Variants in FCHO1 observed in about 807,000 individuals in gnomAD.
The protein encoded by FCHO1 is FCH and mu domain containing endocytic adaptor 1.
FCHO1 carries 45 observed loss-of-function variants against 114.4 expected under a neutral mutation model. The observed-to-expected ratio is 0.39, with a 90% confidence interval of 0.31 to 0.50. The LOEUF (loss-of-function observed/expected upper bound fraction) is 0.50, where lower values mean the gene tolerates loss of function less well. Ranked by LOEUF, FCHO1 falls within the 20% of genes least tolerant of loss-of-function variation. The probability of loss-of-function intolerance (pLI) is 0.77; values close to 1 mark genes in which losing one functional copy is unlikely to be tolerated. For missense variants in FCHO1, 1,042 were observed against 1,209.6 expected (o/e 0.86, Z 2.06); for synonymous variants, 480 against 488.9 (o/e 0.98, Z 0.24).
In FCHO1 at chr19:17,781,472, C is replaced by A; in HGVS notation, c.1761C>A (p.Ser587=). The change falls in exon 22 of 29, where the codon TCC becomes TCA. Residue 587 remains serine, a synonymous_variant. Transcript: ENST00000596536. ...NGDLSRSLSP[S]PLGSSAASTA... Reference sequence around the variant, plus strand: ...TCCAGTCTCGTTCCCTGAGCCCCTCCCCACTGGGCTCTTCAGCCGCCAGCA... The same window carrying A: ...TCCAGTCTCGTTCCCTGAGCCCCTCACCACTGGGCTCTTCAGCCGCCAGCA... The A allele has an allele frequency of 6.2e-7, 1 of 1,614,102 alleles. No individual in the cohort carries two copies. The highest frequency in any genetic ancestry group is 8.5e-7 in the Non-Finnish European group (1 of 1,179,994).
rs996781494 is a variant in FCHO1 at position 17,778,878 on chromosome 19, G to A, written c.1621G>A (p.Gly541Arg). ...CCCCTGGGGGCTGGAGGCCTTGGCC[G>A]GAGGAGGTGAGTCCAGCGGGCCTGG... ...PGPWGLEALAGGDLMPAPADP... is the reference protein window; with the variant it reads ...PGPWGLEALARGDLMPAPADP... Residue 541 changes from glycine to arginine, a missense_variant, in exon 20 of 29, where the codon GGA (glycine) becomes AGA (arginine). Gly to Arg is a moderately radical substitution (Grantham distance 125). Coordinates refer to ENST00000596536, the MANE Select transcript of FCHO1 (RefSeq NM_015122.3). The A allele has an allele frequency of 2.9e-5, 45 of 1,559,072 alleles. No individual in the cohort carries two copies. Among genetic ancestry groups the A allele is most frequent in the African/African-American group, 4.1e-5 (3 of 73,828 alleles).
In FCHO1 at chr19:17,778,787, A is replaced by G; in HGVS notation, c.1530A>G (p.Pro510=). Residue 510 remains proline (P), a synonymous_variant, in exon 20 of 29, where the codon CCA becomes CCG. Transcript: ENST00000596536. ...CGCCCAGCTGTAGGGCGCCACCCCC[A>G]GAGGCCAGGGGTATCCGGGCACCGC... ...QSPPSCRAPP[P]EARGIRAPPL... is the part of the protein sequence containing the mutation. 6.5e-7 allele frequency: 1 copy of G among 1,539,748 alleles called. No individual in the cohort carries two copies. Among genetic ancestry groups the G allele is most frequent in the Non-Finnish European group, 8.7e-7 (1 of 1,148,478 alleles).
chr19:17,766,695 TC>T lies in FCHO1; in HGVS notation c.223del (p.Arg75AlafsTer14). On this transcript the variant is annotated frameshift_variant, in exon 7 of 29. Transcript: ENST00000596536. LOFTEE classifies it high-confidence loss of function. ...ACCTTCGCCCCGCTCTGGGAGGTCT[TC>T]CGCGTCTCCTCGGACAAGCTGGCGC... Reference protein sequence around the residue: ...MGTFAPLWEVFRVSSDKLALC... With the variant: ...MGTFAPLWEVXRVSSDKLALC... 6.2e-7 allele frequency: 1 copy of T among 1,614,134 alleles called. No homozygotes were observed. The highest frequency in any genetic ancestry group is 8.5e-7 in the Non-Finnish European group (1 of 1,180,020).
At position 17,775,254 on chromosome 19, in the gene FCHO1, G is replaced by T. The variant is rs1817117666; in HGVS notation, c.945+174G>T. Among the ~76,000 whole-genome samples, 2 of 152,156 alleles carry T rather than the reference G, an allele frequency of 1.3e-5. No individual in the cohort carries two copies. The highest frequency in any genetic ancestry group is 1.3e-4 in the Admixed American group (2 of 15,260). ...TCAGCTGCAAAGTCCCATGGACTAC[G>T]TGGGTGTGAATAATGTCCCTGCCGA... On this transcript the variant is annotated intron_variant, in intron 14 of 28. Transcript: ENST00000596536. The surrounding 1 kb of genome is among the most constrained non-coding windows in gnomAD (Gnocchi z 5.1).
intron 3 of FCHO1, chr19:17,754,910 A>T: frequency 3.9e-6 from 2 of 512,192 alleles, no homozygotes; most frequent in Non-Finnish European, 7.1e-6. Flanking sequence ...AATTGGGGGC[A>T]TCTGTGTCTT....
chr19:17,787,530 A>G, intron 27 of FCHO1, 152 bp from the exon 28 acceptor site: 1 of 853,492 alleles, frequency 1.2e-6, no homozygotes, highest in Non-Finnish European at 1.7e-6. Context: ...CAGTGATGCC[A>G]GGAGAGACAG....
In FCHO1 at chr19:17,775,608, A is replaced by T; in HGVS notation, c.1003+95A>T. 8.5e-7 allele frequency: 1 copy of T among 1,180,458 alleles called. No individual in the cohort carries two copies. The highest frequency in any genetic ancestry group is 2.3e-5 in the East Asian group (1 of 42,588). The allele number at this position is 1,180,458 out of a possible 1,614,324, so 73.1% of individuals were successfully genotyped here. On this transcript the variant is annotated intron_variant, in intron 15 of 28. Transcript: ENST00000596536. This position sits in a 1 kb window ranked among gnomAD's most constrained non-coding sequence, Gnocchi z 5.1. ...CCACCTTCAGCAGTCCTCTCTGTGT[A>T]CATCCTGGAGAGAGTCTCCTTTGTG...
chr19:17,781,120 G>T, intron 20 of FCHO1, 111 bp from the exon 21 acceptor site: 2 of 720,752 alleles, frequency 2.8e-6, no homozygotes, highest in Non-Finnish European at 4.8e-6. Context: ...CCCATTGGGG[G>T]TCTCTGCAGA....
chr19:17,774,698 G>T, intron 13 of FCHO1: 1 of 592,894 alleles, frequency 1.7e-6, no homozygotes, highest in Non-Finnish European at 3.0e-6. Flanking sequence ...CTTTTGCTAG[G>T]TTAGGCCAGG....
At chr19:17,748,618 T>G (rs1599489017), upstream of FCHO1, among the ~76,000 whole-genome samples, 1 of 119,088 alleles carries the variant, frequency 8.4e-6, no homozygotes, top group African/African-American at 3.3e-5. Flanking sequence ...TGGCTGTGAG[T>G]GGGGTGCGGA....
At chr19:17,778,390 G>C in intron 19 of FCHO1, 162 bp downstream of exon 19, 5 of 753,336 alleles carry the variant, frequency 6.6e-6, no homozygotes, top group South Asian at 3.4e-5. Flanking sequence ...AGGGGCCATA[G>C]ATAGGGTGGG....
rs1050671504 is a variant in FCHO1 at position 17,778,141 on chromosome 19, G to A, written c.1264G>A (p.Ala422Thr). The change falls in exon 19 of 29, where the codon GCA becomes ACA. Residue 422 changes from alanine (A) to threonine (T), a missense_variant. By Grantham distance (58) the Ala-to-Thr change is moderately conservative (BLOSUM62 0). Around this residue, in one of 3 missense-constraint regions of FCHO1, gnomAD observed 455 missense variants for 455.4 expected, o/e 1.00. Transcript: ENST00000596536. ...PRSAPRTSSC[A>T]ERLQSEEQVS... Reference sequence around the variant, plus strand: ...TCTTGGCCTCACCCTCTCTAGCTGTGCAGAGAGATTGCAGTCAGAGGAGCA... The same window carrying A: ...TCTTGGCCTCACCCTCTCTAGCTGTACAGAGAGATTGCAGTCAGAGGAGCA... The A allele has an allele frequency of 4.1e-5, 66 of 1,611,566 alleles. No individual in the cohort carries two copies. Among genetic ancestry groups the A allele is most frequent in the Non-Finnish European group, 5.3e-5 (63 of 1,177,794 alleles).
At chr19:17,774,917 C>A in intron 13 of FCHO1, 139 bp from the exon 14 acceptor site, 1 of 901,466 alleles carries the variant, frequency 1.1e-6, no homozygotes, top group Non-Finnish European at 1.8e-6. Flanking sequence ...GCCCCATGGT[C>A]CCACCGCCTC....
At chr19:17,771,190 T>C (rs973506270) in intron 9 of FCHO1, among the ~76,000 whole-genome samples, 3 of 151,134 alleles carry the variant, frequency 2.0e-5, no homozygotes, top group Non-Finnish European at 4.4e-5. Flanking sequence ...AGGCGGAGGT[T>C]GCAGTGAGCC....
intron 18 of FCHO1, among the ~76,000 whole-genome samples, chr19:17,777,355 A>AAAG (rs2092759427): frequency 6.6e-6 from 1 of 151,698 alleles, no homozygotes; most frequent in African/African-American, 2.4e-5. Context: ...TGACCAACAT[A>AAAG]AAGAAACCCC....
chr19:17,772,653 G>A lies in FCHO1; in HGVS notation c.702G>A (p.Glu234=). 1.9e-6 allele frequency: 3 copies of A among 1,614,084 alleles called. No homozygotes were observed. Among genetic ancestry groups the A allele is most frequent in the East Asian group, 2.2e-5 (1 of 44,872 alleles). ...DTHVQIGQVH[E]EFKQNIENVS... ...CCGCCCACCCGGCACAGGTGCATGA[G>A]GAATTTAAGCAGAACATCGAGAACG... The change falls in exon 11 of 29, where the codon GAG becomes GAA. Residue 234 remains glutamate (E), a synonymous_variant. Coordinates refer to ENST00000596536, the MANE Select transcript of FCHO1 (RefSeq NM_015122.3).
In FCHO1 at chr19:17,781,474, C is replaced by A. The variant is rs2093405999; in HGVS notation, c.1763C>A (p.Pro588Gln). 2 of 1,614,082 alleles carry A rather than the reference C, an allele frequency of 1.2e-6. No homozygotes were observed. Among genetic ancestry groups the A allele is most frequent in the Non-Finnish European group, 1.7e-6 (2 of 1,179,996 alleles). Reference protein sequence around the residue: ...GDLSRSLSPSPLGSSAASTAL... With the variant: ...GDLSRSLSPSQLGSSAASTAL... ...CAGTCTCGTTCCCTGAGCCCCTCCC[C>A]ACTGGGCTCTTCAGCCGCCAGCACT... The change falls in exon 22 of 29, where the codon CCA (proline) becomes CAA (glutamine). Residue 588 changes from proline to glutamine, a missense_variant. By Grantham distance (76) the Pro-to-Gln change is moderately conservative. Coordinates refer to ENST00000596536, the MANE Select transcript of FCHO1 (RefSeq NM_015122.3).
chr19:17,762,836 G>A lies in FCHO1; in HGVS notation c.102G>A (p.Ala34=), dbSNP rs771609837. 6.2e-6 allele frequency: 10 copies of A among 1,613,236 alleles called. No individual in the cohort carries two copies. Among genetic ancestry groups the A allele is most frequent in the African/African-American group, 2.7e-5 (2 of 74,854 alleles). Residue 34 remains alanine, a synonymous_variant, in exon 5 of 29, where the codon GCG becomes GCA. Transcript: ENST00000596536. ...GGCCCATCTCCACCAAGGAGCTGGC[G>A]GACTTCATCCGGGAGAGGTGAGGTC... is the stretch of plus-strand genomic sequence containing the variant. ...KQGPISTKEL[A]DFIRERATIE...
intron 11 of FCHO1, among the ~76,000 whole-genome samples, 159 bp downstream of exon 11, chr19:17,772,900 T>C (rs999985806): frequency 6.6e-6 from 1 of 152,144 alleles, no homozygotes; most frequent in African/African-American, 2.4e-5. Context: ...TGACCTCAGG[T>C]GATCTGCCTG....
Sources: gnomAD v4.1 joint callset for allele counts (sites outside exome capture counted in the v4.1 genomes callset) on GRCh38, gnomAD v4.1.1 for gene constraint, gnomAD v4.1.1 regional missense constraint, Gnocchi (gnomAD v3.1) non-coding constraint, MANE v1.5 for transcripts, NCBI Gene and HGNC (gene_info 2026-07-23, HGNC 2026-07-21) for gene names.